NKAIN2: variants seen among roughly 807,000 people sequenced by gnomAD.
NKAIN2 encodes the protein sodium/potassium transporting ATPase interacting 2.
A neutral mutation model predicts 32.6 loss-of-function variants in NKAIN2; 14 were observed. That is an observed-to-expected ratio of 0.43 (90% confidence interval 0.28 to 0.67). The LOEUF (loss-of-function observed/expected upper bound fraction) is 0.67, where lower values mean the gene tolerates loss of function less well. Ranked by LOEUF, NKAIN2 falls within the 30% of genes least tolerant of loss-of-function variation. NKAIN2 has a pLI of 0.17. For missense variants in NKAIN2, 198 were observed against 258.3 expected (o/e 0.77, Z 1.60); for synonymous variants, 80 against 87.2 (o/e 0.92, Z 0.46).
At chr6:123,976,396 T>G (rs1328001293) in intron 1 of NKAIN2, among the ~76,000 whole-genome samples, 1 of 51,456 alleles carries the variant, frequency 1.9e-5, no homozygotes, top group Admixed American at 1.9e-4. Context: ...TATATATATA[T>G]ATATATATAT....
At chr6:124,457,300 A>G (rs1012517116) in intron 3 of NKAIN2, among the ~76,000 whole-genome samples, 2 of 151,944 alleles carry the variant, frequency 1.3e-5, no homozygotes, top group African/African-American at 4.8e-5. Context: ...CACTGATTCT[A>G]TAGGGCATTT....
chr6:124,147,590 A>G (rs1787477343), intron 1 of NKAIN2, among the ~76,000 whole-genome samples: 1 of 152,168 alleles, frequency 6.6e-6, no homozygotes, highest in Non-Finnish European at 1.5e-5. Flanking sequence ...TTGCAATTTA[A>G]TTAGGTAATG....
chr6:123,895,043 C>T (rs2114389410), intron 1 of NKAIN2, among the ~76,000 whole-genome samples: 1 of 151,924 alleles, frequency 6.6e-6, no homozygotes, highest in East Asian at 1.9e-4. Flanking sequence ...TGCTCCAGTT[C>T]CTTCTCCTCC....
At chr6:124,421,222 A>G (rs1285805606) in intron 3 of NKAIN2, among the ~76,000 whole-genome samples, 2 of 151,986 alleles carry the variant, frequency 1.3e-5, no homozygotes, top group Non-Finnish European at 2.9e-5. Flanking sequence ...TGCTTTACTC[A>G]TGGGGACCCT....
intron 4 of NKAIN2, among the ~76,000 whole-genome samples, chr6:124,707,281 A>C (rs892323998): frequency 6.6e-6 from 1 of 152,114 alleles, no homozygotes; most frequent in African/African-American, 2.4e-5. Context: ...TGCTACTGTG[A>C]ATACTGCCGC....
intron 1 of NKAIN2, among the ~76,000 whole-genome samples, chr6:124,155,738 G>A (rs1787952296): frequency 1.3e-5 from 2 of 152,008 alleles, no homozygotes; most frequent in Admixed American, 6.6e-5. Flanking sequence ...TGAATTTGGG[G>A]AACTGACACA....
At chr6:123,949,853 A>G (rs948403880) in intron 1 of NKAIN2, among the ~76,000 whole-genome samples, 1 of 151,962 alleles carries the variant, frequency 6.6e-6, no homozygotes, top group African/African-American at 2.4e-5. Flanking sequence ...AGAGTGGTGA[A>G]AGTGGGCATG....
intron 1 of NKAIN2, among the ~76,000 whole-genome samples, chr6:123,935,562 G>C (rs1490947156): frequency 6.6e-6 from 1 of 151,694 alleles, no homozygotes; most frequent in Non-Finnish European, 1.5e-5. Context: ...ATTTGATTAA[G>C]GCTTAGTGCT....
chr6:124,324,792 T>G (rs1797346754), intron 2 of NKAIN2, among the ~76,000 whole-genome samples: 1 of 152,072 alleles, frequency 6.6e-6, no homozygotes, highest in Non-Finnish European at 1.5e-5. Flanking sequence ...AGTGCTGAAT[T>G]TTTTCAAATG....
chr6:123,835,173 C>T (rs190929444), intron 1 of NKAIN2, among the ~76,000 whole-genome samples: 84 of 152,324 alleles, frequency 5.5e-4, no homozygotes, highest in Middle Eastern at 3.4e-3. Context: ...ATTTCACCGA[C>T]ATCTCCTTGT....
intron 1 of NKAIN2, among the ~76,000 whole-genome samples, chr6:123,911,270 C>T (rs971072261): frequency 2.0e-5 from 3 of 152,124 alleles, no homozygotes; most frequent in African/African-American, 4.8e-5. Flanking sequence ...TTATTTGGCT[C>T]ATGCTTCTGC....
At chr6:124,523,478 G>A (rs891367859) in intron 3 of NKAIN2, among the ~76,000 whole-genome samples, 8 of 138,756 alleles carry the variant, frequency 5.8e-5, no homozygotes, top group Non-Finnish European at 1.2e-4. Flanking sequence ...AGGATTCACC[G>A]AGAAAAATCA....
At chr6:124,118,474 A>G (rs370033034) in intron 1 of NKAIN2, among the ~76,000 whole-genome samples, 1 of 152,166 alleles carries the variant, frequency 6.6e-6, no homozygotes, top group African/African-American at 2.4e-5. Context: ...TGCTATTAAT[A>G]CTAATACCTC....
At chr6:124,270,967 G>A (rs1268146393) in intron 1 of NKAIN2, among the ~76,000 whole-genome samples, 8 of 152,114 alleles carry the variant, frequency 5.3e-5, no homozygotes, top group African/African-American at 7.2e-5. Flanking sequence ...ATTGTAATCC[G>A]CATGTGTTAA....
At chr6:124,583,280 G>A (rs967694874) in intron 3 of NKAIN2, among the ~76,000 whole-genome samples, 1 of 148,382 alleles carries the variant, frequency 6.7e-6, no homozygotes, top group African/African-American at 2.5e-5. Flanking sequence ...AATGTGGCAG[G>A]ATACAAAATC....
chr6:124,147,427 GA>G (rs1263493379), intron 1 of NKAIN2, among the ~76,000 whole-genome samples: 9 of 150,436 alleles, frequency 6.0e-5, no homozygotes, highest in African/African-American at 1.7e-4. Flanking sequence ...GGAACTGGAA[GA>G]AAAAAAAATC....
At chr6:124,676,939 G>A (rs1773387137) in intron 4 of NKAIN2, among the ~76,000 whole-genome samples, 1 of 152,048 alleles carries the variant, frequency 6.6e-6, no homozygotes, top group Non-Finnish European at 1.5e-5. Flanking sequence ...CATTAAATTG[G>A]ATCTTGTGGG....
At chr6:124,478,366 C>T (rs375037092) in intron 3 of NKAIN2, among the ~76,000 whole-genome samples, 2 of 152,192 alleles carry the variant, frequency 1.3e-5, no homozygotes, top group African/African-American at 4.8e-5. Context: ...TAATGCCATT[C>T]TCAAATAAAA....
At chr6:124,267,943 T>C (rs1794579428) in intron 1 of NKAIN2, among the ~76,000 whole-genome samples, 1 of 152,230 alleles carries the variant, frequency 6.6e-6, no homozygotes, top group African/African-American at 2.4e-5. Flanking sequence ...TCCTTTTATA[T>C]CTTAATTATT....
Sources: gnomAD v4.1 joint callset for allele counts (sites outside exome capture counted in the v4.1 genomes callset) on GRCh38, gnomAD v4.1.1 for gene constraint, MANE v1.5 for transcripts, NCBI Gene and HGNC (gene_info 2026-07-23, HGNC 2026-07-21) for gene names.